RPS6KA6: variants seen among roughly 807,000 people sequenced by gnomAD.
RPS6KA6 encodes ribosomal protein S6 kinase alpha-6.
In RPS6KA6, 27 loss-of-function variants were observed where a neutral mutation model predicts 65.4. That is an observed-to-expected ratio of 0.41 (90% CI 0.30 to 0.57). RPS6KA6 has a LOEUF of 0.57. Ranked by LOEUF, RPS6KA6 falls within the 20% of genes least tolerant of loss-of-function variation. The pLI is 0.24. For synonymous variants in RPS6KA6, 190 were observed against 184.2 expected (o/e 1.03, Z -0.26); for missense variants, 486 against 555.6 (o/e 0.87, Z 1.26).
At chrX:84,123,348 A>G (rs1170385872) in intron 8 of RPS6KA6, among the ~76,000 whole-genome samples, 1 of 112,909 alleles carries the variant, frequency 8.9e-6, no homozygotes, top group Non-Finnish European at 1.9e-5. Flanking sequence ...GTACCAGCTC[A>G]GCCACAGTGG....
At chrX:84,147,455 T>G (rs2035219508) in intron 4 of RPS6KA6, among the ~76,000 whole-genome samples, 1 of 110,900 alleles carries the variant, frequency 9.0e-6, no homozygotes, top group Non-Finnish European at 1.9e-5. Flanking sequence ...TATAGGTGCA[T>G]GCCACTACAC....
chrX:84,118,784 C>T (rs751691202), intron 9 of RPS6KA6, among the ~76,000 whole-genome samples: 2 of 111,747 alleles, frequency 1.8e-5, no homozygotes, highest in African/African-American at 6.5e-5. Context: ...TTTTGTCTTC[C>T]TATTTCTAGT....
intron 12 of RPS6KA6, among the ~76,000 whole-genome samples, chrX:84,113,061 A>C (rs1170820572): frequency 9.0e-6 from 1 of 111,622 alleles, no homozygotes; most frequent in African/African-American, 3.3e-5. Context: ...CAAACTAGAA[A>C]AGCTAGATGA....
chrX:84,108,971 G>T (rs1319583827), intron 12 of RPS6KA6, among the ~76,000 whole-genome samples: 2 of 111,888 alleles, frequency 1.8e-5, no homozygotes, highest in African/African-American at 6.5e-5. Flanking sequence ...GTATATACTG[G>T]CCACAGCCTG....
intron 12 of RPS6KA6, among the ~76,000 whole-genome samples, chrX:84,109,822 A>G (rs1002839718): frequency 9.0e-6 from 1 of 110,786 alleles, no homozygotes; most frequent in Non-Finnish European, 1.9e-5. Context: ...CACTTCTTAC[A>G]GGACTCATAC....
intron 3 of RPS6KA6, among the ~76,000 whole-genome samples, chrX:84,153,460 G>A (rs2035364463): frequency 9.0e-6 from 1 of 111,185 alleles, no homozygotes; most frequent in Non-Finnish European, 1.9e-5. Flanking sequence ...GGTGTGCTTA[G>A]GACAGAATTG....
At chrX:84,123,788 A>G (rs1432932973) in intron 8 of RPS6KA6, among the ~76,000 whole-genome samples, 1 of 112,001 alleles carries the variant, frequency 8.9e-6, no homozygotes, top group Non-Finnish European at 1.9e-5. Flanking sequence ...GAAGGACACA[A>G]ACCTGTTTGG....
chrX:84,148,276 A>C (rs1423292064), intron 3 of RPS6KA6, among the ~76,000 whole-genome samples, 153 bp from the exon 4 acceptor site: 1 of 110,715 alleles, frequency 9.0e-6, no homozygotes, highest in Non-Finnish European at 1.9e-5. Context: ...AGATAGTGAG[A>C]GATTTGTTGA....
At chrX:84,140,757 A>G (rs1343700004) in intron 6 of RPS6KA6, among the ~76,000 whole-genome samples, 1 of 98,046 alleles carries the variant, frequency 1.0e-5, no homozygotes, top group Admixed American at 1.2e-4. Flanking sequence ...AAAAAAACAT[A>G]CATATATATA....
chrX:84,186,011 C>T, intron 1 of RPS6KA6: 1 of 506,088 alleles, frequency 2.0e-6, no homozygotes, highest in Non-Finnish European at 3.5e-6. Context: ...TCTAACCAAT[C>T]ATAACTGTTT....
intron 3 of RPS6KA6, among the ~76,000 whole-genome samples, chrX:84,148,409 TCTC>T (rs1439369931): frequency 1.8e-5 from 2 of 109,916 alleles, no homozygotes; most frequent in African/African-American, 6.5e-5. Context: ...AGTTATACCT[TCTC>T]CTATAAATTA....
At chrX:84,184,371 A>G (rs1385630349) in intron 1 of RPS6KA6, among the ~76,000 whole-genome samples, 1 of 112,782 alleles carries the variant, frequency 8.9e-6, no homozygotes, top group Non-Finnish European at 1.9e-5. Context: ...ACTGTGGGAA[A>G]AGAGAAGGAA....
intron 13 of RPS6KA6, among the ~76,000 whole-genome samples, chrX:84,107,403 A>C (rs907449903): frequency 3.6e-5 from 4 of 112,022 alleles, no homozygotes; most frequent in African/African-American, 1.3e-4. Flanking sequence ...TAAACTTGCC[A>C]CCCTTTGACC....
intron 12 of RPS6KA6, among the ~76,000 whole-genome samples, chrX:84,110,995 T>G (rs190422700): frequency 2.9e-4 from 30 of 104,832 alleles, no homozygotes; most frequent in African/African-American, 1.0e-3. Flanking sequence ...TAAATAAATA[T>G]ATATATATAT....
chrX:84,080,237 T>G (rs917511811), intron 20 of RPS6KA6, among the ~76,000 whole-genome samples: 27 of 101,131 alleles, frequency 2.7e-4, no homozygotes, highest in Non-Finnish European at 3.6e-4. Context: ...AAACAAGGTC[T>G]GGAGTGGACC....
intron 1 of RPS6KA6, among the ~76,000 whole-genome samples, chrX:84,184,250 A>G (rs1223523403): frequency 8.9e-6 from 1 of 112,314 alleles, no homozygotes; most frequent in Non-Finnish European, 1.9e-5. Flanking sequence ...TCTTAAGAAA[A>G]ACTGCTTACG....
At chrX:84,152,070 G>A (rs1430040550) in intron 3 of RPS6KA6, among the ~76,000 whole-genome samples, 2 of 111,485 alleles carry the variant, frequency 1.8e-5, no homozygotes, top group Non-Finnish European at 3.8e-5. Context: ...TAGGCTTTCT[G>A]AAGACACTGT....
chrX:84,159,740 C>T (rs771102645), intron 2 of RPS6KA6, among the ~76,000 whole-genome samples: 23 of 111,025 alleles, frequency 2.1e-4, no homozygotes, highest in Admixed American at 6.7e-4. Context: ...TACCTCAGAA[C>T]ATGACTGTAT....
intron 2 of RPS6KA6, among the ~76,000 whole-genome samples, chrX:84,156,424 C>A (rs2035417464): frequency 1.8e-5 from 2 of 110,782 alleles, no homozygotes; most frequent in African/African-American, 6.6e-5. Flanking sequence ...AAAAAGAAAT[C>A]TATGCTTCAG....
Sources: allele counts gnomAD v4.1 joint callset (sites outside exome capture counted in the v4.1 genomes callset), GRCh38; gene constraint gnomAD v4.1.1; transcripts MANE v1.5; gene names NCBI Gene and HGNC (gene_info 2026-07-23, HGNC 2026-07-21).